RILPL2: variants seen among roughly 807,000 people sequenced by gnomAD.
The protein encoded by RILPL2 is RILP-like protein 2.
In RILPL2, 19 loss-of-function variants were observed where a neutral mutation model predicts 22.2. That is an observed-to-expected ratio of 0.86 (90% CI 0.60 to 1.25). The LOEUF is 1.25. Among genes scored for constraint, RILPL2 ranks in the 50% most tolerant of loss-of-function variants. RILPL2 has a pLI of 0.00. For missense variants in RILPL2, 243 were observed against 263.6 expected (o/e 0.92, Z 0.54); for synonymous variants, 123 against 111.6 (o/e 1.10, Z -0.64).
At chr12:123,411,524 T>C (rs1053404051), downstream of RILPL2, 1 of 147,676 alleles carries the variant, frequency 6.8e-6, no homozygotes, top group African/African-American at 2.5e-5. Context: ...AACCACCTCC[T>C]GTGCCTTCTG....
Position 123,436,599 on chromosome 12 carries a change from C to A in RILPL2, c.-179G>T, listed in dbSNP as rs911945733. The stretch of plus-strand genomic sequence containing the variant: ...GCCGCGCACGCGACTCTTGGGCCTG[C>A]GCCCCGGCGCACCGTCCCCGCTGCC... On this transcript the variant is annotated 5_prime_UTR_variant, in exon 1 of 4. Transcript: ENST00000280571. This position sits in a 1 kb window ranked among gnomAD's most constrained non-coding sequence, Gnocchi z 6.7. 5 of 1,031,490 alleles carry A rather than the reference C, an allele frequency of 4.8e-6. No homozygotes were observed. In the East Asian group the frequency reaches 1.3e-4, roughly 27 times the overall value. The allele number at this position is 1,031,490 out of a possible 1,614,324, so 63.9% of individuals were successfully genotyped here.
rs1361911977 is a variant in RILPL2, at chr12:123,423,157, A to G, written c.492T>C (p.Ser164=). Residue 164 remains serine, a splice_region_variant and synonymous_variant, in exon 3 of 4, where the codon AGT becomes AGC. Coordinates refer to ENST00000280571, the MANE Select transcript of RILPL2 (RefSeq NM_145058.3). The part of the protein sequence containing the change: ...VVQEELQCYK[S]GLIPPREGPG... ...GGCCTTCTCTTGGTGGAATCAGGCC[A>G]CTGGGAAACGGGACAAAAAATAAAT... 3 of 1,585,628 alleles carry G rather than the reference A, an allele frequency of 1.9e-6. No individual in the cohort carries two copies. Among genetic ancestry groups the G allele is most frequent in the Non-Finnish European group, 2.6e-6 (3 of 1,161,834 alleles).
chr12:123,418,853 C>T (rs140481490), intron 3 of RILPL2, among the ~76,000 whole-genome samples: 2,399 of 149,250 alleles, frequency 0.016, 28 homozygotes, highest in South Asian at 0.036. Context: ...CTCTGCCTCC[C>T]GGGTTCAAGC....
intron 2 of RILPL2, among the ~76,000 whole-genome samples, chr12:123,428,072 G>C (rs528369159): frequency 3.1e-4 from 47 of 152,316 alleles, no homozygotes; most frequent in Non-Finnish European, 5.4e-4. Context: ...CCACTAACAA[G>C]CTGCTCACGA....
At chr12:123,429,943 C>A (rs570483253) in intron 2 of RILPL2, among the ~76,000 whole-genome samples, 2 of 151,400 alleles carry the variant, frequency 1.3e-5, no homozygotes, top group South Asian at 4.2e-4. Flanking sequence ...TGGCGAGACC[C>A]TGTCTCTACA....
chr12:123,419,517 G>A (rs1197795970), intron 3 of RILPL2, among the ~76,000 whole-genome samples: 1 of 152,086 alleles, frequency 6.6e-6, no homozygotes, highest in Non-Finnish European at 1.5e-5. Flanking sequence ...GACAGGGAGA[G>A]GTCCTTGGGC....
intron 2 of RILPL2, among the ~76,000 whole-genome samples, chr12:123,424,331 ATTTTTT>A (rs56046247): frequency 1.0e-4 from 14 of 135,174 alleles, no homozygotes; most frequent in Admixed American, 4.7e-4. Context: ...TAAGAGTTAG[ATTTTTT>A]TTTTTTTTTT....
chr12:123,416,375 C>T (rs1879119420), intron 3 of RILPL2, among the ~76,000 whole-genome samples: 1 of 151,824 alleles, frequency 6.6e-6, no homozygotes, highest in South Asian at 2.1e-4. Flanking sequence ...TGCGGTGGCT[C>T]ATGCCTGTAA....
At chr12:123,427,952 A>C (rs1226938400) in intron 2 of RILPL2, among the ~76,000 whole-genome samples, 3 of 152,188 alleles carry the variant, frequency 2.0e-5, no homozygotes, top group African/African-American at 7.2e-5. Flanking sequence ...CACAATATAT[A>C]ACACTAGAGA....
chr12:123,416,102 A>T (rs1879109710), intron 3 of RILPL2, among the ~76,000 whole-genome samples, 181 bp from the exon 4 acceptor site: 1 of 151,764 alleles, frequency 6.6e-6, no homozygotes, highest in Non-Finnish European at 1.5e-5. Flanking sequence ...GAGGATGAGG[A>T]TCACTTGATC....
intron 2 of RILPL2, among the ~76,000 whole-genome samples, chr12:123,428,399 G>A (rs1305506935): frequency 2.6e-5 from 4 of 152,170 alleles, no homozygotes; most frequent in Non-Finnish European, 5.9e-5. Flanking sequence ...GCCTCCCAAA[G>A]TGCTGGGATT....
At chr12:123,416,508 G>A (rs1167989793) in intron 3 of RILPL2, among the ~76,000 whole-genome samples, 2 of 151,230 alleles carry the variant, frequency 1.3e-5, no homozygotes, top group African/African-American at 4.9e-5. Flanking sequence ...GTGTGGTGGC[G>A]GGCGCCTGTA....
intron 3 of RILPL2, among the ~76,000 whole-genome samples, chr12:123,420,768 T>C (rs1483014225): frequency 1.3e-5 from 2 of 152,126 alleles, no homozygotes; most frequent in African/African-American, 2.4e-5. Flanking sequence ...TTCCTGAGCA[T>C]CACCATGTGC....
At chr12:123,428,205 C>T (rs1593492894) in intron 2 of RILPL2, among the ~76,000 whole-genome samples, 2 of 152,262 alleles carry the variant, frequency 1.3e-5, no homozygotes, top group Admixed American at 6.5e-5. Flanking sequence ...GGCGAGATGT[C>T]GGCTCGCTGC....
At position 123,415,042 on chromosome 12, in the gene RILPL2, A is replaced by G. The variant is rs1879076592; in HGVS notation, c.*849T>C. 1 of 152,094 alleles carries G rather than the reference A, an allele frequency of 6.6e-6. No individual in the cohort carries two copies. 9.4% of individuals were successfully genotyped at this position (152,094 alleles called of 1,614,324 possible). On this transcript the variant is annotated 3_prime_UTR_variant, in exon 4 of 4. Coordinates refer to ENST00000280571, the MANE Select transcript of RILPL2 (RefSeq NM_145058.3). ...TCCACAGAGCAGGCGAAACACATTGAGTAAGCCACTGTTATTTACTAAGAA... is the reference window on the plus strand; with the variant it reads ...TCCACAGAGCAGGCGAAACACATTGGGTAAGCCACTGTTATTTACTAAGAA...
chr12:123,431,207 A>G (rs764848581), intron 1 of RILPL2, among the ~76,000 whole-genome samples: 2 of 152,160 alleles, frequency 1.3e-5, no homozygotes, highest in Admixed American at 1.3e-4. Context: ...CCTCCAACAG[A>G]ATATTATTCG....
At chr12:123,409,866 G>A in the RILPL2 span, among the ~76,000 whole-genome samples, 1 of 151,962 alleles carries the variant, frequency 6.6e-6, no homozygotes, top group Admixed American at 6.6e-5. Context: ...TGGGATTACA[G>A]GCGCCAGCCA....
intron 3 of RILPL2, among the ~76,000 whole-genome samples, chr12:123,418,819 G>A (rs1341421133): frequency 3.7e-5 from 5 of 136,938 alleles, no homozygotes; most frequent in African/African-American, 1.1e-4. Context: ...GGAGTGCAGT[G>A]GCGCAATCTC....
At chr12:123,409,494 C>T in the RILPL2 span, 8 of 151,124 alleles carry the variant, frequency 5.3e-5, no homozygotes, top group Admixed American at 2.6e-4. Flanking sequence ...TGAGCTCTTT[C>T]GTTTCCTCAT....
Sources: gnomAD v4.1 joint callset for allele counts (sites outside exome capture counted in the v4.1 genomes callset) on GRCh38, gnomAD v4.1.1 for gene constraint, Gnocchi (gnomAD v3.1) non-coding constraint, MANE v1.5 for transcripts, NCBI Gene and HGNC (gene_info 2026-07-23, HGNC 2026-07-21) for gene names.